The following SELENOF variants were observed in gnomAD, a reference collection of about 807,000 sequenced individuals.
SELENOF encodes selenoprotein F.
SELENOF carries 16 observed loss-of-function variants against 20.5 expected under a neutral mutation model. The observed-to-expected ratio is 0.78, with a 90% CI of 0.53 to 1.19. SELENOF has a LOEUF of 1.19. Among genes scored for constraint, SELENOF ranks in the 50% most tolerant of loss-of-function variants. SELENOF has a pLI of 0.00. For missense variants in SELENOF, 215 were observed against 194.2 expected (o/e 1.11, Z -0.64); for synonymous variants, 78 against 74.5 (o/e 1.05, Z -0.24).
intron 1 of SELENOF, among the ~76,000 whole-genome samples, chr1:86,905,430 G>C (rs1044631629): frequency 1.3e-5 from 2 of 151,974 alleles, no homozygotes; most frequent in African/African-American, 4.8e-5. Context: ...TTATTTTCAA[G>C]AATCTAATCA....
intron 2 of SELENOF, among the ~76,000 whole-genome samples, chr1:86,898,567 A>T (rs530007885): frequency 6.7e-6 from 1 of 149,324 alleles, no homozygotes; most frequent in Admixed American, 6.7e-5. Context: ...ATAAACTCTG[A>T]CTTTCTCTTC....
intron 3 of SELENOF, among the ~76,000 whole-genome samples, chr1:86,872,491 C>G (rs1024431817): frequency 5.3e-5 from 8 of 152,142 alleles, no homozygotes; most frequent in Non-Finnish European, 1.2e-4. Flanking sequence ...GCCTCAGCCT[C>G]CCGAGCAGCT....
chr1:86,866,266 A>T (rs1480658792), intron 4 of SELENOF, among the ~76,000 whole-genome samples: 41 of 76,314 alleles, frequency 5.4e-4, no homozygotes, highest in South Asian at 3.2e-3. Flanking sequence ...GTGTGTGTGT[A>T]GTGGAATACT....
intron 2 of SELENOF, among the ~76,000 whole-genome samples, chr1:86,886,145 T>C (rs1659209592): frequency 1.3e-5 from 2 of 152,148 alleles, no homozygotes; most frequent in African/African-American, 2.4e-5. Flanking sequence ...GACAGTACAC[T>C]AGAATCACCT....
intron 2 of SELENOF, among the ~76,000 whole-genome samples, chr1:86,888,346 C>T (rs979017299): frequency 6.6e-6 from 1 of 151,832 alleles, no homozygotes; most frequent in Non-Finnish European, 1.5e-5. Context: ...CAACTAGCCC[C>T]TTGGTAATAC....
At chr1:86,876,635 A>C (rs973863364) in intron 3 of SELENOF, among the ~76,000 whole-genome samples, 1 of 152,246 alleles carries the variant, frequency 6.6e-6, no homozygotes, top group African/African-American at 2.4e-5. Flanking sequence ...GGTAGTCATC[A>C]GATAAGTACT....
chr1:86,894,302 A>C (rs1353820089), intron 2 of SELENOF, among the ~76,000 whole-genome samples: 1 of 152,044 alleles, frequency 6.6e-6, no homozygotes, highest in Admixed American at 6.5e-5. Context: ...AAAAATTTGA[A>C]ATAATTGCGA....
chr1:86,866,498 C>T (rs1165942338), intron 4 of SELENOF, among the ~76,000 whole-genome samples: 4 of 151,896 alleles, frequency 2.6e-5, no homozygotes, highest in East Asian at 1.9e-4. Flanking sequence ...GTTTAATGGG[C>T]GTAGAGTTTC....
intron 3 of SELENOF, among the ~76,000 whole-genome samples, chr1:86,873,131 C>A (rs1187719533): frequency 6.6e-6 from 1 of 151,684 alleles, no homozygotes; most frequent in Non-Finnish European, 1.5e-5. Context: ...GTGGTGCATG[C>A]CTGTATTCCC....
intron 2 of SELENOF, among the ~76,000 whole-genome samples, chr1:86,891,098 G>A (rs1659372730): frequency 6.7e-6 from 1 of 149,654 alleles, no homozygotes; most frequent in South Asian, 2.1e-4. Context: ...TGCCCAGGCT[G>A]GAGTGCAATG....
intron 3 of SELENOF, among the ~76,000 whole-genome samples, chr1:86,877,820 C>T (rs1414952062): frequency 6.6e-6 from 1 of 152,150 alleles, no homozygotes; most frequent in Admixed American, 6.5e-5. Context: ...CTGTCTATGG[C>T]TGCTTCCATG....
At chr1:86,907,341 A>G (rs1490294296) in intron 1 of SELENOF, among the ~76,000 whole-genome samples, 2 of 152,354 alleles carry the variant, frequency 1.3e-5, no homozygotes, top group East Asian at 3.9e-4. Context: ...TAGACATGGG[A>G]TAAAAGATAA....
intron 2 of SELENOF, among the ~76,000 whole-genome samples, chr1:86,893,398 A>G (rs1260031891): frequency 2.0e-5 from 3 of 150,480 alleles, no homozygotes; most frequent in African/African-American, 7.4e-5. Context: ...AAGTCAGGAG[A>G]TCGTCTAGAC....
At chr1:86,865,342 G>C (rs764174582) in intron 4 of SELENOF, among the ~76,000 whole-genome samples, 1 of 151,982 alleles carries the variant, frequency 6.6e-6, no homozygotes, top group Non-Finnish European at 1.5e-5. Context: ...AGAATGAAAA[G>C]ACAACCCAGA....
chr1:86,882,518 G>A (rs995309662), intron 2 of SELENOF, among the ~76,000 whole-genome samples: 1 of 150,594 alleles, frequency 6.6e-6, no homozygotes, highest in Non-Finnish European at 1.5e-5. Context: ...AAAGAGATGA[G>A]GATGTGGAGA....
chr1:86,872,902 G>C (rs185250972), intron 3 of SELENOF, among the ~76,000 whole-genome samples: 1 of 152,052 alleles, frequency 6.6e-6, no homozygotes, highest in Admixed American at 6.5e-5. Flanking sequence ...ATTAGCTGGC[G>C]TGGTGGCAGG....
At chr1:86,903,238 C>G in intron 2 of SELENOF, 43 bp downstream of exon 2, 1 of 1,554,604 alleles carries the variant, frequency 6.4e-7, no homozygotes, top group Non-Finnish European at 8.7e-7. Context: ...TACCTTATCT[C>G]AACTAAACCA....
chr1:86,907,813 G>A (rs568929050), intron 1 of SELENOF, among the ~76,000 whole-genome samples: 73 of 152,052 alleles, frequency 4.8e-4, no homozygotes, highest in African/African-American at 1.7e-3. Flanking sequence ...GTGAAACCCC[G>A]TCTCTACTAA....
intron 3 of SELENOF, among the ~76,000 whole-genome samples, chr1:86,878,551 G>A (rs182870913): frequency 3.7e-4 from 57 of 152,276 alleles, no homozygotes; most frequent in Admixed American, 9.2e-4. Context: ...GTGTGGTGGC[G>A]TGCGCCTGTA....
Sources: allele counts gnomAD v4.1 joint callset (sites outside exome capture counted in the v4.1 genomes callset), GRCh38; gene constraint gnomAD v4.1.1; transcripts MANE v1.5; gene names NCBI Gene and HGNC (gene_info 2026-07-23, HGNC 2026-07-21).